ARHGEF10L: variants seen among roughly 807,000 people sequenced by gnomAD.
ARHGEF10L encodes the protein Rho guanine nucleotide exchange factor 10 like.
In ARHGEF10L, 69 loss-of-function variants were observed where a neutral mutation model predicts 141.2. That is an observed-to-expected ratio of 0.49 (90% CI 0.40 to 0.60). ARHGEF10L has a LOEUF of 0.60. Among genes scored for constraint, ARHGEF10L ranks in the 20% least tolerant of loss-of-function variants. The probability of loss-of-function intolerance (pLI) is 0.00; values close to 1 mark genes in which losing one functional copy is unlikely to be tolerated. For synonymous variants in ARHGEF10L, 711 were observed against 718.5 expected, an observed-to-expected ratio of 0.99 and a Z score of 0.17; for missense variants, 1,482 against 1,734.3, an observed-to-expected ratio of 0.85 and a Z score of 2.58.
intron 21 of ARHGEF10L, 128 bp from the exon 22 acceptor site, chr1:17,648,426 G>A: frequency 1.7e-6 from 2 of 1,180,650 alleles, no homozygotes; most frequent in Non-Finnish European, 2.4e-6. Flanking sequence ...GGAGTAGGGT[G>A]GGGAGTGACT....
In ARHGEF10L at chr1:17,654,497, T is replaced by C; in HGVS notation, c.2395-139T>C. 1.3e-6 allele frequency: 1 copy of C among 772,398 alleles called. No individual in the cohort carries two copies. Among genetic ancestry groups the C allele is most frequent in the East Asian group, 2.4e-5 (1 of 40,888 alleles). 47.8% of individuals were successfully genotyped at this position (772,398 alleles called of 1,614,324 possible). On this transcript the variant is annotated intron_variant, in intron 22 of 28. Coordinates refer to ENST00000361221, the MANE Select transcript of ARHGEF10L (RefSeq NM_018125.4). The surrounding 1 kb of genome is among the most constrained non-coding windows in gnomAD (Gnocchi z 4.3). ...AACTGCCTGGAGAAGCAGGCACTCG[T>C]GAAGCATGTTGCTTTCCTGGCCCCC...
intron 1 of ARHGEF10L, among the ~76,000 whole-genome samples, chr1:17,574,793 C>T (rs1330906214): frequency 1.3e-5 from 2 of 152,238 alleles, no homozygotes; most frequent in East Asian, 1.9e-4. Context: ...TGCTGCCCTG[C>T]GTGGGGGAGC....
At chr1:17,559,855 G>C (rs1014208722) in intron 1 of ARHGEF10L, among the ~76,000 whole-genome samples, 9 of 152,074 alleles carry the variant, frequency 5.9e-5, no homozygotes, top group African/African-American at 2.2e-4. Context: ...CACTGGGTCT[G>C]GGTGCCTGGG....
chr1:17,595,221 T>G lies in ARHGEF10L; in HGVS notation c.257+6742T>G, dbSNP rs374055741. On this transcript the variant is annotated intron_variant, in intron 4 of 28. Transcript: ENST00000361221. ...TGCACATGCTGTTTCGTGGCTCACCTTTTTTTTTTTTTTTTTTTTTTTTTA... is the reference window on the plus strand; with the variant it reads ...TGCACATGCTGTTTCGTGGCTCACCGTTTTTTTTTTTTTTTTTTTTTTTTA... 1.6e-3 allele frequency among the ~76,000 whole-genome samples: 150 copies of G among 95,010 alleles called. 2 individuals carry two copies. Among genetic ancestry groups the G allele is most frequent in the Non-Finnish European group, 4.6e-4 (24 of 52,444 alleles). The allele number at this position is 95,010 out of a possible 152,430, so 62.3% of individuals were successfully genotyped here.
intron 16 of ARHGEF10L, among the ~76,000 whole-genome samples, chr1:17,633,502 C>T (rs533217143): frequency 1.3e-5 from 2 of 152,112 alleles, no homozygotes; most frequent in East Asian, 1.9e-4. Flanking sequence ...TGCCACCACA[C>T]CTAGCTAATT....
In ARHGEF10L at chr1:17,623,996, T is replaced by C. The variant is rs556994052; in HGVS notation, c.1201-391T>C. 7.2e-5 allele frequency among the ~76,000 whole-genome samples: 11 copies of C among 152,138 alleles called. No individual in the cohort carries two copies. Among genetic ancestry groups the C allele is most frequent in the Non-Finnish European group, 1.3e-4 (9 of 68,012 alleles). On this transcript the variant is annotated intron_variant, in intron 12 of 28. Coordinates refer to ENST00000361221, the MANE Select transcript of ARHGEF10L (RefSeq NM_018125.4). The surrounding 1 kb of genome is among the most constrained non-coding windows in gnomAD (Gnocchi z 4.7). The stretch of plus-strand genomic sequence containing the variant: ...GGTGAGAGGCCAGGAGCACTTTCCT[T>C]AAAGGTGGAGGGCAAGGGGCATTCG...
Position 17,588,849 on chromosome 1 carries a change from A to AGTGTGTGTGTGTGTGTGTGTGTGT in ARHGEF10L, c.257+397_257+420dup, listed in dbSNP as rs57719075. 1.5e-4 allele frequency among the ~76,000 whole-genome samples: 3 copies of AGTGTGTGTGTGTGTGTGTGTGTGT among 20,434 alleles called. 1 individual carries two copies. The highest frequency in any genetic ancestry group is 5.8e-4 in the African/African-American group (3 of 5,140). The allele number at this position is 20,434 out of a possible 152,430, so 13.4% of individuals were successfully genotyped here. Reference sequence around the variant, plus strand: ...AGAAGCAAACAGCTGGAGGGTCCCCAGTGTGTGTGTGTGTGTGTGTGTGTG... The same window carrying AGTGTGTGTGTGTGTGTGTGTGTGT: ...AGAAGCAAACAGCTGGAGGGTCCCCAGTGTGTGTGTGTGTGTGTGTGTGTGTGTGTGTGTGTGTGTGTGTGTGTG... On this transcript the variant is annotated intron_variant, in intron 4 of 28. Coordinates refer to ENST00000361221, the MANE Select transcript of ARHGEF10L (RefSeq NM_018125.4).
the ARHGEF10L span, among the ~76,000 whole-genome samples, chr1:17,515,161 G>C: frequency 5.3e-5 from 8 of 152,188 alleles, no homozygotes; most frequent in Admixed American, 2.0e-4. Context: ...AACTTGTCCT[G>C]GGGAAGGGGA....
At chr1:17,662,207 G>T (rs6671054) in intron 25 of ARHGEF10L, among the ~76,000 whole-genome samples, 5,017 of 152,272 alleles carry the variant, frequency 0.033, 285 homozygotes, top group African/African-American at 0.11. Context: ...TACCACACAT[G>T]CTTGTTGGGA....
chr1:17,648,827 C>A lies in ARHGEF10L; in HGVS notation c.2394+152C>A, dbSNP rs2061744566. ...ATTCTTACTGACAGATTTGGTCAAGCCTTTTTGTTGCTTCGGGAATCAGCT... is the reference window on the plus strand; with the variant it reads ...ATTCTTACTGACAGATTTGGTCAAGACTTTTTGTTGCTTCGGGAATCAGCT... On this transcript the variant is annotated intron_variant, in intron 22 of 28. Transcript: ENST00000361221. 8 of 1,242,386 alleles carry A rather than the reference C, an allele frequency of 6.4e-6. No individual in the cohort carries two copies. The East Asian group carries it at 1.0e-4, about 16-fold the overall frequency. The allele number at this position is 1,242,386 out of a possible 1,614,324, so 77.0% of individuals were successfully genotyped here. A position where few individuals can be genotyped will look rare whatever the true frequency, so the allele number is the denominator to read the frequency against.
At chr1:17,605,196 G>C (rs551351220) in intron 6 of ARHGEF10L, among the ~76,000 whole-genome samples, 1 of 152,330 alleles carries the variant, frequency 6.6e-6, no homozygotes, top group East Asian at 1.9e-4. Context: ...CAGAAGCTTG[G>C]AGAGGAGCTC....
chr1:17,586,524 C>T (rs2079038282), intron 2 of ARHGEF10L, among the ~76,000 whole-genome samples: 1 of 152,152 alleles, frequency 6.6e-6, no homozygotes, highest in African/African-American at 2.4e-5. Context: ...AGGAAGTCTT[C>T]TAGGAAGAGG....
intron 26 of ARHGEF10L, among the ~76,000 whole-genome samples, chr1:17,676,535 C>G (rs1386182519): frequency 6.6e-6 from 1 of 151,920 alleles, no homozygotes; most frequent in African/African-American, 2.4e-5. Flanking sequence ...CCATGTGGCT[C>G]CCCTATGCAG....
chr1:17,663,287 C>T (rs1167509181), intron 25 of ARHGEF10L, among the ~76,000 whole-genome samples: 5 of 152,142 alleles, frequency 3.3e-5, no homozygotes, highest in Admixed American at 2.6e-4. Context: ...CACGGTGGCT[C>T]ATGCCTGTAA....
chr1:17,587,719 TC>T lies in ARHGEF10L; in HGVS notation c.223+75del, dbSNP rs140761145. ...AGAACTGGGCGGAAGCTCCAGGCTC[TC>T]AGGGATGCCTGGTGGCCCCTCCGCT... is the stretch of plus-strand genomic sequence containing the variant. On this transcript the variant is annotated intron_variant, in intron 3 of 28. Transcript: ENST00000361221. The T allele has an allele frequency of 8.3e-4, 1,218 of 1,465,396 alleles. 8 individuals carry two copies. In the African/African-American group the frequency reaches 0.016, roughly 19 times the overall value. The allele number at this position is 1,465,396 out of a possible 1,614,324, so 90.8% of individuals were successfully genotyped here. A position where few individuals can be genotyped will look rare whatever the true frequency, so the allele number is the denominator to read the frequency against.
At chr1:17,696,034 TA>T (rs1272447629) in intron 28 of ARHGEF10L, among the ~76,000 whole-genome samples, 12 of 151,054 alleles carry the variant, frequency 7.9e-5, no homozygotes, top group African/African-American at 2.9e-4. Context: ...CCATCTCTAC[TA>T]AAAAATAAAA....
chr1:17,646,730 GAGA>G (rs1286371820), intron 21 of ARHGEF10L, among the ~76,000 whole-genome samples: 2 of 152,056 alleles, frequency 1.3e-5, no homozygotes, highest in Admixed American at 1.3e-4. Flanking sequence ...AGGCCTCTCT[GAGA>G]AGGAGAGGAG....
chr1:17,681,989 T>C (rs10888047), intron 26 of ARHGEF10L, among the ~76,000 whole-genome samples: 1 of 148,402 alleles, frequency 6.7e-6, no homozygotes, highest in Admixed American at 6.7e-5. Flanking sequence ...TTCCTAGATT[T>C]AAAAAAAAAA....
intron 4 of ARHGEF10L, among the ~76,000 whole-genome samples, chr1:17,598,523 A>T (rs1475074864): frequency 6.6e-6 from 1 of 152,180 alleles, no homozygotes; most frequent in Admixed American, 6.5e-5. Flanking sequence ...CTGTGTCCTT[A>T]CATGGTAGAA....
Sources: allele counts gnomAD v4.1 joint callset (sites outside exome capture counted in the v4.1 genomes callset), GRCh38; gene constraint gnomAD v4.1.1; non-coding constraint Gnocchi (gnomAD v3.1); transcripts MANE v1.5; gene names NCBI Gene and HGNC (gene_info 2026-07-23, HGNC 2026-07-21).